The following CNTN5 variants were observed in gnomAD, a reference collection of about 807,000 sequenced individuals.
CNTN5 encodes contactin 5.
Under a neutral mutation model 129.1 loss-of-function variants are expected in CNTN5, and 77 were observed. That is an observed-to-expected ratio of 0.60 (90% CI 0.50 to 0.72). CNTN5 has a LOEUF of 0.72. Ranked by LOEUF, CNTN5 falls within the 30% of genes least tolerant of loss-of-function variation. The pLI is 0.00. For missense variants in CNTN5, 1,478 were observed against 1,328.8 expected (o/e 1.11, Z -1.75); for synonymous variants, 509 against 465.6 (o/e 1.09, Z -1.20).
chr11:99,474,539 T>C (rs1945296357), intron 2 of CNTN5, among the ~76,000 whole-genome samples: 1 of 152,116 alleles, frequency 6.6e-6, no homozygotes, highest in African/African-American at 2.4e-5. Flanking sequence ...TTTTTAAAAT[T>C]TGACAATTTA....
At chr11:100,188,323 C>T (rs536792730) in intron 13 of CNTN5, among the ~76,000 whole-genome samples, 108 of 151,886 alleles carry the variant, frequency 7.1e-4, no homozygotes, top group Non-Finnish European at 1.2e-3. Context: ...CCACAGGGGG[C>T]GAGGAGAGAC....
intron 3 of CNTN5, among the ~76,000 whole-genome samples, chr11:99,644,542 A>ATT (rs1310619213): frequency 6.6e-6 from 1 of 152,152 alleles, no homozygotes; most frequent in African/African-American, 2.4e-5. Context: ...GACGTTTAAA[A>ATT]TTTTTTCACA....
intron 1 of CNTN5, chr11:99,049,966 A>G (rs1052571830): frequency 6.6e-6 from 1 of 152,284 alleles, no homozygotes; most frequent in East Asian, 1.9e-4. Context: ...TTTTATTTCC[A>G]AAGAGTGGGT....
At chr11:100,141,229 G>A (rs1442597683) in intron 13 of CNTN5, among the ~76,000 whole-genome samples, 2 of 152,102 alleles carry the variant, frequency 1.3e-5, no homozygotes, top group African/African-American at 4.8e-5. Flanking sequence ...GGGAATGAAA[G>A]ACGACTTGGG....
intron 3 of CNTN5, among the ~76,000 whole-genome samples, chr11:99,618,564 CAA>C (rs1950830836): frequency 6.6e-6 from 1 of 152,178 alleles, no homozygotes; most frequent in Non-Finnish European, 1.5e-5. Context: ...ATCTTCAGCA[CAA>C]AGTTTCACTC....
At chr11:99,938,032 C>T (rs554587202) in intron 7 of CNTN5, among the ~76,000 whole-genome samples, 10 of 152,234 alleles carry the variant, frequency 6.6e-5, no homozygotes, top group South Asian at 2.1e-4. Flanking sequence ...TTGTATCATG[C>T]GAATAGGCTC....
At chr11:99,301,760 A>C (rs1444851119) in intron 1 of CNTN5, among the ~76,000 whole-genome samples, 1 of 151,764 alleles carries the variant, frequency 6.6e-6, no homozygotes, top group Non-Finnish European at 1.5e-5. Context: ...AGAACATTCT[A>C]CCCAATAACA....
At chr11:99,812,273 T>C (rs1946451048) in intron 3 of CNTN5, among the ~76,000 whole-genome samples, 1 of 152,028 alleles carries the variant, frequency 6.6e-6, no homozygotes, top group Non-Finnish European at 1.5e-5. Context: ...GTTAGGAAAA[T>C]AAAAAATGTA....
At chr11:100,239,473 C>G (rs933402212) in intron 16 of CNTN5, among the ~76,000 whole-genome samples, 11 of 151,952 alleles carry the variant, frequency 7.2e-5, no homozygotes, top group Non-Finnish European at 1.6e-4. Context: ...TAAAATGGAG[C>G]TAAATCACAG....
intron 13 of CNTN5, among the ~76,000 whole-genome samples, chr11:100,185,752 A>G (rs952293006): frequency 1.3e-5 from 2 of 152,116 alleles, no homozygotes; most frequent in African/African-American, 4.8e-5. Flanking sequence ...GAGGAAGAGA[A>G]ACCTCTCTCT....
At chr11:99,632,886 A>G (rs1026086507) in intron 3 of CNTN5, among the ~76,000 whole-genome samples, 1 of 151,582 alleles carries the variant, frequency 6.6e-6, no homozygotes, top group African/African-American at 2.4e-5. Flanking sequence ...TACTTAAGGT[A>G]TCTTCTTGGG....
intron 2 of CNTN5, among the ~76,000 whole-genome samples, chr11:99,446,652 A>C (rs1944085199): frequency 6.6e-6 from 1 of 152,236 alleles, no homozygotes. Flanking sequence ...AGTGATTTAT[A>C]GAAGCAAGGT....
At chr11:99,138,402 T>C (rs1859341630) in intron 1 of CNTN5, among the ~76,000 whole-genome samples, 1 of 152,192 alleles carries the variant, frequency 6.6e-6, no homozygotes, top group Non-Finnish European at 1.5e-5. Context: ...TTATGTTAAG[T>C]GGGAGTGAGT....
chr11:99,565,035 A>T (rs561018292), intron 3 of CNTN5, among the ~76,000 whole-genome samples: 2 of 152,314 alleles, frequency 1.3e-5, no homozygotes, highest in African/African-American at 4.8e-5. Context: ...TAAGTATATC[A>T]CAATAATATT....
At chr11:99,835,204 G>T (rs148359613) in intron 4 of CNTN5, among the ~76,000 whole-genome samples, 1 of 152,150 alleles carries the variant, frequency 6.6e-6, no homozygotes, top group African/African-American at 2.4e-5. Flanking sequence ...TGATGATGAC[G>T]CATATGTTCA....
chr11:99,242,223 A>C (rs1565431247), intron 1 of CNTN5, among the ~76,000 whole-genome samples: 1 of 152,152 alleles, frequency 6.6e-6, no homozygotes, highest in Non-Finnish European at 1.5e-5. Context: ...GCTTCAAAGA[A>C]AAACATTGGG....
intron 2 of CNTN5, among the ~76,000 whole-genome samples, chr11:99,491,596 A>C (rs1186647485): frequency 1.3e-5 from 2 of 152,180 alleles, no homozygotes; most frequent in Admixed American, 6.5e-5. Flanking sequence ...TATTGGGATT[A>C]TATTAATTAA....
intron 18 of CNTN5, among the ~76,000 whole-genome samples, chr11:100,281,193 A>T (rs987124148): frequency 1.3e-5 from 2 of 152,086 alleles, no homozygotes; most frequent in African/African-American, 4.8e-5. Flanking sequence ...AGTTTTTTAC[A>T]TTCAAATGAT....
In CNTN5 at chr11:99,948,526, A is replaced by G. The variant is rs189925268; in HGVS notation, c.674-8280A>G. Among the ~76,000 whole-genome samples the G allele has an allele frequency of 2.4e-3, 372 of 152,276 alleles. 2 individuals are homozygous for G. The highest frequency in any genetic ancestry group is 6.9e-3 in the Admixed American group (105 of 15,280). ...TCACTATTTCAAACATCTAACTTTT[A>G]TTTGCAAAATTACATCCCATGCATA... On this transcript the variant is annotated intron_variant, in intron 7 of 24. Transcript: ENST00000524871.
Sources: allele counts gnomAD v4.1 joint callset (sites outside exome capture counted in the v4.1 genomes callset), GRCh38; gene constraint gnomAD v4.1.1; transcripts MANE v1.5; gene names NCBI Gene and HGNC (gene_info 2026-07-23, HGNC 2026-07-21).